TMEM236: variants seen among roughly 807,000 people sequenced by gnomAD.
The protein encoded by TMEM236 is family with sequence similarity 23, member A.
TMEM236 carries 11 observed loss-of-function variants against 14.7 expected under a neutral mutation model. That is an observed-to-expected ratio of 0.75 (90% CI 0.47 to 1.24). The LOEUF (loss-of-function observed/expected upper bound fraction) is 1.24, where lower values mean the gene tolerates loss of function less well. TMEM236 is among the 50% of genes most tolerant of loss of function. The pLI is 0.00. For missense variants in TMEM236, 464 were observed against 427.3 expected (o/e 1.09, Z -0.76); for synonymous variants, 182 against 168.6 (o/e 1.08, Z -0.62).
chr10:17,781,866 A>G (rs1544300), intron 3 of TMEM236, among the ~76,000 whole-genome samples: 19,770 of 151,574 alleles, frequency 0.13, 1,640 homozygotes, highest in East Asian at 0.38. Flanking sequence ...TTAAGAGTTG[A>G]TGTTTTATGT....
chr10:17,773,396 C>A (rs562845592), intron 2 of TMEM236, among the ~76,000 whole-genome samples: 8 of 152,164 alleles, frequency 5.3e-5, no homozygotes, highest in Admixed American at 4.6e-4. Context: ...TGCAGTGGTG[C>A]GTGTGATCTT....
chr10:17,753,385 A>G (rs1017834405), intron 1 of TMEM236, among the ~76,000 whole-genome samples: 12 of 152,146 alleles, frequency 7.9e-5, no homozygotes, highest in African/African-American at 2.9e-4. Flanking sequence ...GTTTTTCCTG[A>G]TCCTCTCCCT....
At chr10:17,773,527 G>A (rs1243386277) in intron 2 of TMEM236, among the ~76,000 whole-genome samples, 3 of 152,162 alleles carry the variant, frequency 2.0e-5, no homozygotes, top group South Asian at 2.1e-4. Context: ...TAGTACAGAC[G>A]GGGTTTCACT....
At chr10:17,791,411 T>G (rs1837923056) in intron 3 of TMEM236, among the ~76,000 whole-genome samples, 1 of 152,132 alleles carries the variant, frequency 6.6e-6, no homozygotes, top group African/African-American at 2.4e-5. Flanking sequence ...TGCGCTATGA[T>G]TGTGCCACTG....
intron 2 of TMEM236, among the ~76,000 whole-genome samples, chr10:17,772,288 A>G (rs1837585825): frequency 6.6e-6 from 1 of 152,248 alleles, no homozygotes; most frequent in Admixed American, 6.5e-5. Context: ...AGGTGCTGCT[A>G]GAATACATCA....
In TMEM236 at chr10:17,792,023, C is replaced by T. The variant is rs954265470; in HGVS notation, c.473-3898C>T. Among the ~76,000 whole-genome samples the T allele has an allele frequency of 1.5e-3, 224 of 152,200 alleles. 1 individual carries two copies. Among genetic ancestry groups the T allele is most frequent in the Non-Finnish European group, 2.2e-3 (153 of 68,012 alleles). On this transcript the variant is annotated intron_variant, in intron 3 of 3. Coordinates refer to ENST00000377495, the MANE Select transcript of TMEM236 (RefSeq NM_001098844.3). ...CTAATGAATGCATTTTTAGCATTAG[C>T]TTTCTTCCTGGATGTTTTTAGGTGC...
chr10:17,759,978 G>T (rs1256135473), intron 1 of TMEM236, among the ~76,000 whole-genome samples: 6 of 74,988 alleles, frequency 8.0e-5, no homozygotes, highest in African/African-American at 3.8e-4. Flanking sequence ...GCGAGACTCC[G>T]TCTCAAAAAA....
At chr10:17,771,147 C>T in intron 1 of TMEM236, 162 bp from the exon 2 acceptor site, 2 of 675,804 alleles carry the variant, frequency 3.0e-6, no homozygotes, top group East Asian at 2.7e-5. Flanking sequence ...GCGCGTGTTC[C>T]TCTTTGCCAT....
At chr10:17,759,246 T>C (rs1271546860) in intron 1 of TMEM236, among the ~76,000 whole-genome samples, 3 of 152,194 alleles carry the variant, frequency 2.0e-5, no homozygotes, top group Non-Finnish European at 4.4e-5. Context: ...AGATGTGTGA[T>C]AACATTGAGC....
chr10:17,754,401 G>T (rs1336956706), intron 1 of TMEM236, among the ~76,000 whole-genome samples: 2 of 152,036 alleles, frequency 1.3e-5, no homozygotes, highest in East Asian at 3.9e-4. Flanking sequence ...GCTCACAGCA[G>T]CCTCAACCTC....
intron 3 of TMEM236, among the ~76,000 whole-genome samples, chr10:17,783,077 T>A (rs1302553525): frequency 6.6e-6 from 1 of 152,092 alleles, no homozygotes; most frequent in Non-Finnish European, 1.5e-5. Context: ...CAGAAACCTC[T>A]CAGTGAGGTG....
intron 3 of TMEM236, among the ~76,000 whole-genome samples, chr10:17,787,585 T>C (rs1331697371): frequency 6.6e-6 from 1 of 152,214 alleles, no homozygotes; most frequent in African/African-American, 2.4e-5. Context: ...CATTGCTCCC[T>C]CATGCTAATA....
chr10:17,769,467 T>C (rs1332512019), intron 1 of TMEM236, among the ~76,000 whole-genome samples: 3 of 152,094 alleles, frequency 2.0e-5, no homozygotes, highest in African/African-American at 7.2e-5. Context: ...TTTGAAGCAA[T>C]GGGAACGGAT....
intron 3 of TMEM236, among the ~76,000 whole-genome samples, chr10:17,787,738 T>C (rs2131763364): frequency 1.3e-5 from 2 of 152,318 alleles, no homozygotes. Context: ...GCGGAGCTCC[T>C]GGTCTAGACG....
chr10:17,761,309 C>A (rs980829094), intron 1 of TMEM236, among the ~76,000 whole-genome samples: 1 of 152,258 alleles, frequency 6.6e-6, no homozygotes, highest in Non-Finnish European at 1.5e-5. Flanking sequence ...CTCTGGCAAC[C>A]TTCACCCACT....
At chr10:17,791,838 A>T (rs941598029) in intron 3 of TMEM236, among the ~76,000 whole-genome samples, 2 of 152,078 alleles carry the variant, frequency 1.3e-5, no homozygotes, top group African/African-American at 4.8e-5. Context: ...AAGCCCAGCC[A>T]CCATTTATTA....
At position 17,798,747 on chromosome 10, in the gene TMEM236, AG is replaced by A. The variant is rs1391521612; in HGVS notation, c.*2244del. ...GTGGGTCCCCGTTTCCACATGTAAA[AG>A]ATGAACATAATACTAGTACTACATT... On this transcript the variant is annotated 3_prime_UTR_variant, in exon 4 of 4. Coordinates refer to ENST00000377495, the MANE Select transcript of TMEM236 (RefSeq NM_001098844.3). 1.9e-6 allele frequency: 1 copy of A among 528,442 alleles called. No homozygotes were observed. Among genetic ancestry groups the A allele is most frequent in the Non-Finnish European group, 3.9e-6 (1 of 256,890 alleles). 32.7% of individuals were successfully genotyped at this position (528,442 alleles called of 1,614,324 possible). A position where few individuals can be genotyped will look rare whatever the true frequency, so the allele number is the denominator to read the frequency against.
chr10:17,792,792 A>G lies in TMEM236; in HGVS notation c.473-3129A>G, dbSNP rs1355159130. On this transcript the variant is annotated intron_variant, in intron 3 of 3. Transcript: ENST00000377495. ...TATATCTTCTATAGATTTTGCACCA[A>G]TGAATATTGTTTTACCCAAACAGAA... 7.2e-5 allele frequency among the ~76,000 whole-genome samples: 11 copies of G among 152,354 alleles called. No homozygotes were observed. The East Asian group carries it at 1.5e-3, about 21-fold the overall frequency.
rs987482572 is a variant in TMEM236 at position 17,773,742 on chromosome 10, C to A, written c.331-2287C>A. On this transcript the variant is annotated intron_variant, in intron 2 of 3. Transcript: ENST00000377495. ...TAATTAACAATGTTGAGCATCTTTTCATCTTGCCCATTTTTTATTGTGTTG... is the reference window on the plus strand; with the variant it reads ...TAATTAACAATGTTGAGCATCTTTTAATCTTGCCCATTTTTTATTGTGTTG... 9.1e-4 allele frequency among the ~76,000 whole-genome samples: 138 copies of A among 152,322 alleles called. 3 individuals are homozygous for A. Among genetic ancestry groups the A allele is most frequent in the Admixed American group, 3.9e-4 (6 of 15,304 alleles).
Sources: gnomAD v4.1 joint callset for allele counts (sites outside exome capture counted in the v4.1 genomes callset) on GRCh38, gnomAD v4.1.1 for gene constraint, MANE v1.5 for transcripts, NCBI Gene and HGNC (gene_info 2026-07-23, HGNC 2026-07-21) for gene names.